The following RAB2A variants were observed in gnomAD, a reference collection of about 807,000 sequenced individuals.
RAB2A encodes RAB2A, member RAS oncogene family, also known as ras-related protein Rab-2A.
RAB2A carries 7 observed loss-of-function variants against 32.5 expected under a neutral mutation model. The observed-to-expected ratio is 0.22, with a 90% CI of 0.12 to 0.40. The LOEUF (loss-of-function observed/expected upper bound fraction) is 0.40. Among genes scored for constraint, RAB2A ranks in the 10% least tolerant of loss-of-function variants. The pLI is 1.00. For synonymous variants in RAB2A, 79 were observed against 85.2 expected, an observed-to-expected ratio of 0.93 and a Z score of 0.40; for missense variants, 108 against 260.7, an observed-to-expected ratio of 0.41 and a Z score of 4.03.
intron 1 of RAB2A, among the ~76,000 whole-genome samples, chr8:60,544,231 G>C (rs1490119784): frequency 6.6e-6 from 1 of 151,688 alleles, no homozygotes; most frequent in African/African-American, 2.4e-5. Context: ...GTAGAGACAG[G>C]GTTTCACCAT....
In RAB2A at chr8:60,598,753, TGAG is replaced by T. The variant is rs149874653; in HGVS notation, c.474+6790_474+6792del. 5.0e-3 allele frequency among the ~76,000 whole-genome samples: 761 copies of T among 151,604 alleles called. 8 individuals carry two copies. Among genetic ancestry groups the T allele is most frequent in the African/African-American group, 0.017 (714 of 41,396 alleles). ...TAAAAACTCTCAGAAAAATAGGAAT[TGAG>T]GAGGACTTCCTCAACTTGTTAAAGA... is the stretch of plus-strand genomic sequence containing the variant. On this transcript the variant is annotated intron_variant, in intron 6 of 7. Coordinates refer to ENST00000262646, the MANE Select transcript of RAB2A (RefSeq NM_002865.3).
intron 6 of RAB2A, among the ~76,000 whole-genome samples, chr8:60,603,736 T>C (rs1804176964): frequency 6.6e-6 from 1 of 152,138 alleles, no homozygotes; most frequent in Non-Finnish European, 1.5e-5. Flanking sequence ...TTATTAAAAA[T>C]GAGTGCAAAT....
At chr8:60,541,566 G>T (rs542521939) in intron 1 of RAB2A, among the ~76,000 whole-genome samples, 80 of 152,262 alleles carry the variant, frequency 5.3e-4, no homozygotes, top group African/African-American at 1.8e-3. Context: ...GCAGGCACCT[G>T]TAATCCCAGC....
intron 1 of RAB2A, among the ~76,000 whole-genome samples, chr8:60,523,565 T>G (rs2130805187): frequency 1.3e-5 from 2 of 152,360 alleles, no homozygotes; most frequent in Admixed American, 1.3e-4. Context: ...ACTTATGGAT[T>G]CCTAAACTGT....
At chr8:60,591,200 A>G (rs955066857) in intron 5 of RAB2A, among the ~76,000 whole-genome samples, 1 of 151,608 alleles carries the variant, frequency 6.6e-6, no homozygotes, top group African/African-American at 2.4e-5. Flanking sequence ...CCCCCCACTA[A>G]TAAAATTCTA....
At chr8:60,518,681 A>G (rs917355821) in intron 1 of RAB2A, among the ~76,000 whole-genome samples, 12 of 151,252 alleles carry the variant, frequency 7.9e-5, no homozygotes, top group African/African-American at 2.4e-4. Flanking sequence ...GTTTTCAGCA[A>G]GGTTTTCTGA....
intron 1 of RAB2A, among the ~76,000 whole-genome samples, chr8:60,548,674 G>A (rs1168482460): frequency 6.8e-6 from 1 of 147,378 alleles, no homozygotes; most frequent in Admixed American, 6.6e-5. Flanking sequence ...GGACGGAGTG[G>A]CTGGCCGGGC....
At chr8:60,520,820 A>G (rs1157628034) in intron 1 of RAB2A, among the ~76,000 whole-genome samples, 2 of 151,902 alleles carry the variant, frequency 1.3e-5, no homozygotes, top group Non-Finnish European at 2.9e-5. Context: ...TACTTATATT[A>G]TTTATCTATC....
At chr8:60,551,443 T>C (rs1209695567) in intron 1 of RAB2A, among the ~76,000 whole-genome samples, 1 of 152,230 alleles carries the variant, frequency 6.6e-6, no homozygotes, top group Non-Finnish European at 1.5e-5. Flanking sequence ...AATTCTTTTT[T>C]GAAACTTTAC....
chr8:60,547,803 C>T (rs558901553), intron 1 of RAB2A, among the ~76,000 whole-genome samples: 16 of 121,858 alleles, frequency 1.3e-4, no homozygotes, highest in African/African-American at 4.1e-4. Context: ...CCTCACTTCC[C>T]GGATGGGGCG....
chr8:60,526,502 A>G (rs1408285597), intron 1 of RAB2A, among the ~76,000 whole-genome samples: 1 of 152,180 alleles, frequency 6.6e-6, no homozygotes, highest in Non-Finnish European at 1.5e-5. Context: ...CCTGGATAAT[A>G]CATGCTAATC....
At chr8:60,552,173 C>T (rs11774081) in intron 1 of RAB2A, among the ~76,000 whole-genome samples, 70,927 of 151,108 alleles carry the variant, frequency 0.47, 17,639 homozygotes, top group African/African-American at 0.64. Flanking sequence ...CAGCTACTTT[C>T]TGTATTTTTA....
chr8:60,548,656 T>C (rs1451206902), intron 1 of RAB2A, among the ~76,000 whole-genome samples: 10 of 143,316 alleles, frequency 7.0e-5, no homozygotes, highest in Non-Finnish European at 1.5e-4. Flanking sequence ...CCCCCCCACC[T>C]CCCTCCCGGA....
chr8:60,560,959 C>T (rs971361359), intron 2 of RAB2A, among the ~76,000 whole-genome samples: 1 of 152,142 alleles, frequency 6.6e-6, no homozygotes, highest in Non-Finnish European at 1.5e-5. Flanking sequence ...ACTATGTTTG[C>T]TAATGGCAGG....
intron 1 of RAB2A, among the ~76,000 whole-genome samples, chr8:60,524,091 G>A (rs1358772533): frequency 6.6e-6 from 1 of 152,044 alleles, no homozygotes; most frequent in African/African-American, 2.4e-5. Context: ...GAATCATAGA[G>A]GCTATTGTCC....
chr8:60,525,754 G>T (rs1189054342), intron 1 of RAB2A, among the ~76,000 whole-genome samples: 1 of 151,954 alleles, frequency 6.6e-6, no homozygotes, highest in Non-Finnish European at 1.5e-5. Flanking sequence ...GAAGGATGGT[G>T]CCTGGTACAG....
intron 6 of RAB2A, among the ~76,000 whole-genome samples, chr8:60,601,840 C>G (rs900163858): frequency 6.6e-6 from 1 of 152,186 alleles, no homozygotes; most frequent in Non-Finnish European, 1.5e-5. Context: ...TATATCAAAG[C>G]ATTTTGGTAG....
At chr8:60,537,343 T>C (rs1429563256) in intron 1 of RAB2A, among the ~76,000 whole-genome samples, 2 of 151,040 alleles carry the variant, frequency 1.3e-5, no homozygotes, top group Non-Finnish European at 3.0e-5. Context: ...TGCCCCAGCC[T>C]CCCAAGTAGC....
intron 6 of RAB2A, 121 bp downstream of exon 6, chr8:60,592,090 A>G (rs373343553): frequency 2.3e-4 from 121 of 532,948 alleles, no homozygotes; most frequent in South Asian, 1.1e-3. Context: ...TAAAGTAGGA[A>G]AGTTTCTTCC....
Sources: gnomAD v4.1 joint callset for allele counts (sites outside exome capture counted in the v4.1 genomes callset) on GRCh38, gnomAD v4.1.1 for gene constraint, MANE v1.5 for transcripts, NCBI Gene and HGNC (gene_info 2026-07-23, HGNC 2026-07-21) for gene names.